Variants in CRYBG1 observed in about 807,000 individuals in gnomAD.
CRYBG1 encodes the protein crystallin beta-gamma domain containing 1.
A neutral mutation model predicts 189.2 loss-of-function variants in CRYBG1; 139 were observed. The observed-to-expected ratio is 0.73, with a 90% CI of 0.64 to 0.85. CRYBG1 has a LOEUF of 0.85. CRYBG1 is among the 40% of genes least tolerant of loss of function. CRYBG1 has a pLI of 0.00. For synonymous variants in CRYBG1, 1,023 were observed against 1,017.1 expected, an observed-to-expected ratio of 1.01 and a Z score of -0.11; for missense variants, 2,611 against 2,675.8, an observed-to-expected ratio of 0.98 and a Z score of 0.53.
chr6:106,548,882 A>C (rs1476388726), intron 13 of CRYBG1, among the ~76,000 whole-genome samples: 4 of 134,910 alleles, frequency 3.0e-5, no homozygotes, highest in Admixed American at 7.3e-5. Context: ...TCCTAATGCT[A>C]TCCCTCCCCC....
chr6:106,528,279 C>A (rs944023026), intron 7 of CRYBG1, among the ~76,000 whole-genome samples: 3 of 151,932 alleles, frequency 2.0e-5, no homozygotes, highest in Admixed American at 1.3e-4. Flanking sequence ...GTATATAATA[C>A]GAGAAGACTA....
chr6:106,415,188 AATAT>A (rs1485419107), intron 1 of CRYBG1, among the ~76,000 whole-genome samples: 1 of 152,252 alleles, frequency 6.6e-6, no homozygotes. Flanking sequence ...CGAATAAAAT[AATAT>A]GTTTCTCATG....
intron 4 of CRYBG1, among the ~76,000 whole-genome samples, chr6:106,524,137 C>T (rs556425487): frequency 5.9e-5 from 9 of 152,232 alleles, no homozygotes; most frequent in South Asian, 4.2e-4. Context: ...AAGTAGTTCA[C>T]GTTTTGTAAT....
intron 1 of CRYBG1, among the ~76,000 whole-genome samples, chr6:106,421,002 G>A (rs1239312975): frequency 6.6e-6 from 1 of 152,086 alleles, no homozygotes; most frequent in Non-Finnish European, 1.5e-5. Flanking sequence ...TGTTCAAATG[G>A]GAGAGACCTC....
intron 2 of CRYBG1, among the ~76,000 whole-genome samples, chr6:106,467,107 G>A (rs900314918): frequency 3.9e-5 from 6 of 152,154 alleles, no homozygotes; most frequent in Non-Finnish European, 8.8e-5. Flanking sequence ...AGAAGCAAAA[G>A]TGGATAGAAC....
intron 4 of CRYBG1, among the ~76,000 whole-genome samples, chr6:106,523,128 T>G (rs1378870359): frequency 6.8e-6 from 1 of 146,306 alleles, no homozygotes; most frequent in African/African-American, 2.4e-5. Context: ...GAGACAGAGA[T>G]GAAAAAGGCA....
intron 1 of CRYBG1, among the ~76,000 whole-genome samples, chr6:106,362,797 A>G (rs1771905636): frequency 6.6e-6 from 1 of 152,196 alleles, no homozygotes; most frequent in African/African-American, 2.4e-5. Context: ...TGTACCCAAC[A>G]TTGAAGTTCT....
At chr6:106,379,099 A>C (rs1019868087) in intron 1 of CRYBG1, among the ~76,000 whole-genome samples, 5 of 152,132 alleles carry the variant, frequency 3.3e-5, no homozygotes, top group African/African-American at 1.2e-4. Context: ...CAGTGAGTTG[A>C]GATCGCGCCA....
At position 106,504,029 on chromosome 6, in the gene CRYBG1, G is replaced by GAAAAAAAAAAAAA. The variant is rs33971164; in HGVS notation, c.313-7394_313-7382dup. On this transcript the variant is annotated intron_variant, in intron 2 of 21. Coordinates refer to ENST00000633556, the MANE Select transcript of CRYBG1 (RefSeq NM_001371242.2). ...TGTTTGGCCTGAAGTGACAGCATTAGAAAAAAAAAAAAAAAAAAACCACAA... is the reference window on the plus strand; with the variant it reads ...TGTTTGGCCTGAAGTGACAGCATTAGAAAAAAAAAAAAAAAAAAAAAAAAAAAAAAAACCACAA... 4.5e-5 allele frequency among the ~76,000 whole-genome samples: 4 copies of GAAAAAAAAAAAAA among 88,550 alleles called. 2 individuals carry two copies. The highest frequency in any genetic ancestry group is 9.1e-5 in the Non-Finnish European group (4 of 44,126). 58.1% of individuals were successfully genotyped at this position (88,550 alleles called of 152,430 possible).
At chr6:106,435,722 T>A (rs1435165297) in intron 1 of CRYBG1, among the ~76,000 whole-genome samples, 2 of 152,054 alleles carry the variant, frequency 1.3e-5, no homozygotes, top group Non-Finnish European at 2.9e-5. Flanking sequence ...CCCGCCTCAG[T>A]CTGCCACCAT....
At chr6:106,367,112 C>T (rs1772015329) in intron 1 of CRYBG1, among the ~76,000 whole-genome samples, 1 of 152,178 alleles carries the variant, frequency 6.6e-6, no homozygotes, top group African/African-American at 2.4e-5. Context: ...CTGAGTTTAG[C>T]ATACGATAAT....
At chr6:106,476,005 G>T (rs1772327044) in intron 2 of CRYBG1, among the ~76,000 whole-genome samples, 1 of 152,056 alleles carries the variant, frequency 6.6e-6, no homozygotes, top group Admixed American at 6.5e-5. Flanking sequence ...TGTGTAAGTA[G>T]GATAAAAAGT....
chr6:106,379,248 G>A (rs1770238816), intron 1 of CRYBG1, among the ~76,000 whole-genome samples: 1 of 151,778 alleles, frequency 6.6e-6, no homozygotes, highest in Admixed American at 6.6e-5. Flanking sequence ...AATAACCTTT[G>A]TTTTCCTTTC....
intron 1 of CRYBG1, among the ~76,000 whole-genome samples, chr6:106,384,535 C>T (rs745495863): frequency 5.3e-5 from 8 of 151,918 alleles, no homozygotes; most frequent in Non-Finnish European, 7.4e-5. Flanking sequence ...ACTCGAATTG[C>T]GTTGTTTATG....
In CRYBG1 at chr6:106,512,995, C is replaced by G. The variant is rs748033894; in HGVS notation, c.1878C>G (p.Asn626Lys). Residue 626 changes from asparagine (N) to lysine (K), a missense_variant, in exon 3 of 22, where the codon AAC becomes AAG. By Grantham distance (94) the Asn-to-Lys change is moderately conservative (BLOSUM62 0). Coordinates refer to ENST00000633556, the MANE Select transcript of CRYBG1 (RefSeq NM_001371242.2). Reference protein sequence around the residue: ...ASDADGLKPRNHFGVGRSTVT... With the variant: ...ASDADGLKPRKHFGVGRSTVT... ...ACGCCGACGGCTTGAAGCCCAGGAACCATTTCGGCGTGGGCAGGTCGACAG... is the reference window on the plus strand; with the variant it reads ...ACGCCGACGGCTTGAAGCCCAGGAAGCATTTCGGCGTGGGCAGGTCGACAG... 2.5e-5 allele frequency: 40 copies of G among 1,609,558 alleles called. 1 individual carries two copies. In the South Asian group the frequency reaches 4.2e-4, roughly 17 times the overall value.
intron 13 of CRYBG1, among the ~76,000 whole-genome samples, chr6:106,546,757 G>A (rs17067245): frequency 0.033 from 4,982 of 152,252 alleles, 275 homozygotes; most frequent in East Asian, 0.19. Flanking sequence ...ATGTTGCTGG[G>A]GCTCTGCAGT....
chr6:106,468,317 C>T (rs1020541210), intron 2 of CRYBG1, among the ~76,000 whole-genome samples: 2 of 151,954 alleles, frequency 1.3e-5, no homozygotes, highest in African/African-American at 2.4e-5. Flanking sequence ...TAACGGCTGT[C>T]AAAGGGGTAG....
intron 2 of CRYBG1, among the ~76,000 whole-genome samples, chr6:106,452,947 A>G (rs1174731106): frequency 6.6e-6 from 1 of 152,234 alleles, no homozygotes; most frequent in African/African-American, 2.4e-5. Flanking sequence ...ATGAGGGTTA[A>G]TAGTGAAATA....
intron 17 of CRYBG1, 29 bp downstream of exon 17, chr6:106,555,926 A>C: frequency 6.2e-7 from 1 of 1,613,722 alleles, no homozygotes; most frequent in Non-Finnish European, 8.5e-7. Context: ...ATAGTGTTGC[A>C]GAAATGTATG....
Sources: allele counts gnomAD v4.1 joint callset (sites outside exome capture counted in the v4.1 genomes callset), GRCh38; gene constraint gnomAD v4.1.1; transcripts MANE v1.5; gene names NCBI Gene and HGNC (gene_info 2026-07-23, HGNC 2026-07-21).